UGT2B17: variants seen among roughly 807,000 people sequenced by gnomAD.
The protein encoded by UGT2B17 is UDP-glucuronosyltransferase 2B17.
UGT2B17 carries 21 observed loss-of-function variants against 48.2 expected under a neutral mutation model. That is an observed-to-expected ratio of 0.44 (90% CI 0.31 to 0.63). The LOEUF (loss-of-function observed/expected upper bound fraction) is 0.63, where lower values mean the gene tolerates loss of function less well. UGT2B17 is among the 20% of genes least tolerant of loss of function. The probability of loss-of-function intolerance (pLI) is 0.08; values close to 1 mark genes in which losing one functional copy is unlikely to be tolerated. For missense variants in UGT2B17, 402 were observed against 696.1 expected (o/e 0.58, Z 4.75); for synonymous variants, 146 against 238.4 (o/e 0.61, Z 3.57).
intron 1 of UGT2B17, among the ~76,000 whole-genome samples, chr4:68,574,730 T>A (rs1343349261): frequency 1.6e-5 from 2 of 126,712 alleles, no homozygotes; most frequent in African/African-American, 5.4e-5. Context: ...GTTTCTTCAA[T>A]AGCACTCAGG....
chr4:68,568,019 G>T lies in UGT2B17; in HGVS notation c.466C>A (p.Pro156Thr). The change falls in exon 2 of 7, where the codon CCC (proline) becomes ACC (threonine). Residue 156 changes from proline (P) to threonine (T), a missense_variant. Coordinates refer to ENST00000317746, the MANE Select transcript of UGT2B17 (RefSeq NM_001077.4). ...AGCTCAGCCAGCAGCTCACCACAGG[G>T]ATTAACGGCATCTGCCAGAAGGACA... Reference protein sequence around the residue: ...FDVLLADAVNPCGELLAELLN... With the variant: ...FDVLLADAVNTCGELLAELLN... 1 of 1,382,482 alleles carries T rather than the reference G, an allele frequency of 7.2e-7. No individual in the cohort carries two copies. Among genetic ancestry groups the T allele is most frequent in the South Asian group, 1.6e-5 (1 of 62,366 alleles). 85.6% of individuals were successfully genotyped at this position (1,382,482 alleles called of 1,614,324 possible).
intron 3 of UGT2B17, among the ~76,000 whole-genome samples, chr4:68,563,141 G>T (rs1731134105): frequency 1.6e-5 from 2 of 126,882 alleles, no homozygotes; most frequent in African/African-American, 2.7e-5. Context: ...TCAAACACTT[G>T]ATACTTTTTG....
Position 68,551,488 on chromosome 4 carries a change from A to G in UGT2B17, c.1093+336T>C, listed in dbSNP as rs1384914350. 2.4e-5 allele frequency among the ~76,000 whole-genome samples: 3 copies of G among 124,302 alleles called. 1 individual carries two copies. The highest frequency in any genetic ancestry group is 5.1e-5 in the Non-Finnish European group (3 of 59,014). 81.5% of individuals were successfully genotyped at this position (124,302 alleles called of 152,430 possible). A position where few individuals can be genotyped will look rare whatever the true frequency, so the allele number is the denominator to read the frequency against. The stretch of plus-strand genomic sequence containing the variant: ...GTCTGTTATTTTTCAGTACCTGTTG[A>G]AATAACCCTGCAGTAGGGGAAGGAA... On this transcript the variant is annotated intron_variant, in intron 5 of 6. Coordinates refer to ENST00000317746, the MANE Select transcript of UGT2B17 (RefSeq NM_001077.4).
intron 6 of UGT2B17, among the ~76,000 whole-genome samples, chr4:68,543,793 C>T (rs1323914471): frequency 8.0e-6 from 1 of 124,982 alleles, no homozygotes; most frequent in Non-Finnish European, 1.7e-5. Flanking sequence ...ATGCACAAGC[C>T]TCAGTAGCTG....
At chr4:68,562,698 G>A (rs1243505367) in intron 3 of UGT2B17, among the ~76,000 whole-genome samples, 2 of 125,052 alleles carry the variant, frequency 1.6e-5, no homozygotes, top group African/African-American at 2.7e-5. Context: ...TGAAAATTTA[G>A]GAAAAAAATC....
In UGT2B17 at chr4:68,550,959, G is replaced by T; in HGVS notation, c.1094-63C>A. The T allele has an allele frequency of 4.9e-6, 6 of 1,226,316 alleles. 2 individuals carry two copies. The highest frequency in any genetic ancestry group is 6.4e-6 in the Non-Finnish European group (6 of 935,368). The allele number at this position is 1,226,316 out of a possible 1,614,324, so 76.0% of individuals were successfully genotyped here. A position where few individuals can be genotyped will look rare whatever the true frequency, so the allele number is the denominator to read the frequency against. On this transcript the variant is annotated intron_variant, in intron 5 of 6. Coordinates refer to ENST00000317746, the MANE Select transcript of UGT2B17 (RefSeq NM_001077.4). ...AAGGCACAGGAATTGAATAAGAAAT[G>T]CACAATATAAGGAACTTAAAGCAAA...
intron 6 of UGT2B17, among the ~76,000 whole-genome samples, chr4:68,547,460 A>C (rs2109763201): frequency 8.0e-6 from 1 of 125,756 alleles, no homozygotes; most frequent in Non-Finnish European, 1.7e-5. Flanking sequence ...TAGACCTAAA[A>C]CCATAAAAAC....
intron 4 of UGT2B17, among the ~76,000 whole-genome samples, chr4:68,554,598 G>T (rs1328138925): frequency 8.0e-6 from 1 of 124,900 alleles, no homozygotes; most frequent in African/African-American, 2.7e-5. Flanking sequence ...TTGTGTGTGT[G>T]TAAGTGTTTG....
Position 68,559,776 on chromosome 4 carries a change from A to G in UGT2B17, c.1005+761T>C, listed in dbSNP as rs1731069263. On this transcript the variant is annotated intron_variant, in intron 4 of 6. Coordinates refer to ENST00000317746, the MANE Select transcript of UGT2B17 (RefSeq NM_001077.4). The stretch of plus-strand genomic sequence containing the variant: ...CCTTCCTCAATGTGGAGAAGGCACT[A>G]ATCTGATTCTTAGAGCATAGTCTTT... Among the ~76,000 whole-genome samples, 4 of 126,512 alleles carry G rather than the reference A, an allele frequency of 3.2e-5. 1 individual carries two copies. Among genetic ancestry groups the G allele is most frequent in the Non-Finnish European group, 6.7e-5 (4 of 59,638 alleles). The allele number at this position is 126,512 out of a possible 152,430, so 83.0% of individuals were successfully genotyped here.
chr4:68,548,709 G>A lies in UGT2B17; in HGVS notation c.1313+1968C>T, dbSNP rs559533185. ...AGGGTTTTCTATTTCTCCTTGAAGAGGTCCTTCACGTACCTTGTTAGGCAT... is the reference window on the plus strand; with the variant it reads ...AGGGTTTTCTATTTCTCCTTGAAGAAGTCCTTCACGTACCTTGTTAGGCAT... On this transcript the variant is annotated intron_variant, in intron 6 of 6. Coordinates refer to ENST00000317746, the MANE Select transcript of UGT2B17 (RefSeq NM_001077.4). 4.2e-4 allele frequency among the ~76,000 whole-genome samples: 53 copies of A among 125,164 alleles called. 8 individuals carry two copies. Among genetic ancestry groups the A allele is most frequent in the Non-Finnish European group, 7.4e-4 (44 of 59,328 alleles). 82.1% of individuals were successfully genotyped at this position (125,164 alleles called of 152,430 possible). A position where few individuals can be genotyped will look rare whatever the true frequency, so the allele number is the denominator to read the frequency against.
chr4:68,545,105 A>T lies in UGT2B17; in HGVS notation c.1313+5572T>A, dbSNP rs1179026229. On this transcript the variant is annotated intron_variant, in intron 6 of 6. Coordinates refer to ENST00000317746, the MANE Select transcript of UGT2B17 (RefSeq NM_001077.4). ...GACATCTACAGAACTCTGCACCCCA[A>T]ATCAACAGAATGTACATTCTTTTCA... 3.2e-5 allele frequency among the ~76,000 whole-genome samples: 4 copies of T among 125,914 alleles called. 2 individuals carry two copies. The highest frequency in any genetic ancestry group is 1.1e-4 in the African/African-American group (4 of 36,874). 82.6% of individuals were successfully genotyped at this position (125,914 alleles called of 152,430 possible). A position where few individuals can be genotyped will look rare whatever the true frequency, so the allele number is the denominator to read the frequency against.
chr4:68,571,494 TCC>T (rs2109780143), intron 1 of UGT2B17, among the ~76,000 whole-genome samples: 1 of 126,944 alleles, frequency 7.9e-6, no homozygotes. Flanking sequence ...TAATTGGAAC[TCC>T]ACCATGTGAC....
In UGT2B17 at chr4:68,555,249, A is replaced by G. The variant is rs1209611410; in HGVS notation, c.1006-3338T>C. Among the ~76,000 whole-genome samples, 11 of 125,884 alleles carry G rather than the reference A, an allele frequency of 8.7e-5. 3 individuals carry two copies. The highest frequency in any genetic ancestry group is 7.6e-4 in the East Asian group (1 of 1,318). 82.6% of individuals were successfully genotyped at this position (125,884 alleles called of 152,430 possible). A position where few individuals can be genotyped will look rare whatever the true frequency, so the allele number is the denominator to read the frequency against. ...GTCAAAATTTGACATAGGGGTTACA[A>G]AACTGTAAACCAAGCCCAAAACAGA... On this transcript the variant is annotated intron_variant, in intron 4 of 6. Coordinates refer to ENST00000317746, the MANE Select transcript of UGT2B17 (RefSeq NM_001077.4).
Position 68,554,674 on chromosome 4 carries a change from A to G in UGT2B17, c.1006-2763T>C, listed in dbSNP as rs926590967. ...TTTAATTGGCAATTAAATCCATTTTATTTTCCTTCTAGCACACCAATTTTT... is the reference window on the plus strand; with the variant it reads ...TTTAATTGGCAATTAAATCCATTTTGTTTTCCTTCTAGCACACCAATTTTT... On this transcript the variant is annotated intron_variant, in intron 4 of 6. Transcript: ENST00000317746. Among the ~76,000 whole-genome samples, 3 of 124,934 alleles carry G rather than the reference A, an allele frequency of 2.4e-5. 1 individual carries two copies. Among genetic ancestry groups the G allele is most frequent in the Non-Finnish European group, 3.4e-5 (2 of 59,152 alleles). 82.0% of individuals were successfully genotyped at this position (124,934 alleles called of 152,430 possible).
Position 68,543,892 on chromosome 4 carries a change from A to C in UGT2B17, c.1314-5988T>G, listed in dbSNP as rs1461760262. On this transcript the variant is annotated intron_variant, in intron 6 of 6. Transcript: ENST00000317746. ...AGAGAAGTTTAGACAAAAAAGAATAAAAAGAAATGAACAAAGCCTCCAAGA... is the reference window on the plus strand; with the variant it reads ...AGAGAAGTTTAGACAAAAAAGAATACAAAGAAATGAACAAAGCCTCCAAGA... Among the ~76,000 whole-genome samples, 2 of 125,954 alleles carry C rather than the reference A, an allele frequency of 1.6e-5. 1 individual carries two copies. The highest frequency in any genetic ancestry group is 5.4e-5 in the African/African-American group (2 of 36,756). 82.6% of individuals were successfully genotyped at this position (125,954 alleles called of 152,430 possible).
In UGT2B17 at chr4:68,551,923, A is replaced by G; in HGVS notation, c.1006-12T>C. On this transcript the variant is annotated splice_polypyrimidine_tract_variant and intron_variant, in intron 4 of 6. Transcript: ENST00000317746. ...AATCTCCATAGAACCTGTTAGGGCA[A>G]GGAAAATATCTTGTTCAATGAATAG... is the stretch of plus-strand genomic sequence containing the variant. The G allele has an allele frequency of 2.3e-6, 3 of 1,307,002 alleles. No homozygotes were observed. Among genetic ancestry groups the G allele is most frequent in the Non-Finnish European group, 3.0e-6 (3 of 999,982 alleles). The allele number at this position is 1,307,002 out of a possible 1,614,324, so 81.0% of individuals were successfully genotyped here.
At position 68,537,562 on chromosome 4, in the gene UGT2B17, T is replaced by C; in HGVS notation, c.*63A>G. Reference sequence around the variant, plus strand: ...AAAGGAAATCCTCCATTTAAAACCCTCCATGCTGGAATAAAGGAGGAGTCC... The same window carrying C: ...AAAGGAAATCCTCCATTTAAAACCCCCCATGCTGGAATAAAGGAGGAGTCC... On this transcript the variant is annotated 3_prime_UTR_variant, in exon 7 of 7. Transcript: ENST00000317746. The C allele has an allele frequency of 8.1e-7, 1 of 1,236,982 alleles. No homozygotes were observed. The highest frequency in any genetic ancestry group is 1.0e-6 in the Non-Finnish European group (1 of 965,370). 76.6% of individuals were successfully genotyped at this position (1,236,982 alleles called of 1,614,324 possible). A position where few individuals can be genotyped will look rare whatever the true frequency, so the allele number is the denominator to read the frequency against.
Position 68,562,899 on chromosome 4 carries a change from T to C in UGT2B17, c.874-2231A>G, listed in dbSNP as rs1475843740. Reference sequence around the variant, plus strand: ...CATTCTGTTCCTTAGTTTCCAACTATACCTGTACTACAGCTGACAGTGTAA... The same window carrying C: ...CATTCTGTTCCTTAGTTTCCAACTACACCTGTACTACAGCTGACAGTGTAA... On this transcript the variant is annotated intron_variant, in intron 3 of 6. Coordinates refer to ENST00000317746, the MANE Select transcript of UGT2B17 (RefSeq NM_001077.4). 7.1e-5 allele frequency among the ~76,000 whole-genome samples: 9 copies of C among 126,740 alleles called. 3 individuals are homozygous for C. The highest frequency in any genetic ancestry group is 1.9e-4 in the African/African-American group (7 of 37,172). 83.1% of individuals were successfully genotyped at this position (126,740 alleles called of 152,430 possible).
At position 68,573,071 on chromosome 4, in the gene UGT2B17, G is replaced by T. The variant is rs1400709585; in HGVS notation, c.-65+2880C>A. 2.4e-5 allele frequency among the ~76,000 whole-genome samples: 3 copies of T among 127,532 alleles called. 1 individual carries two copies. Among genetic ancestry groups the T allele is most frequent in the Non-Finnish European group, 5.0e-5 (3 of 59,896 alleles). 83.7% of individuals were successfully genotyped at this position (127,532 alleles called of 152,430 possible). On this transcript the variant is annotated intron_variant, in intron 1 of 6. Transcript: ENST00000317746. Reference sequence around the variant, plus strand: ...GTTAGTCTATCATTTATTAGCTAATGATGTCCTTTGGTATTTATTAAAATT... The same window carrying T: ...GTTAGTCTATCATTTATTAGCTAATTATGTCCTTTGGTATTTATTAAAATT...
Sources: allele counts gnomAD v4.1 joint callset (sites outside exome capture counted in the v4.1 genomes callset), GRCh38; gene constraint gnomAD v4.1.1; transcripts MANE v1.5; gene names NCBI Gene and HGNC (gene_info 2026-07-23, HGNC 2026-07-21).